The following CNTNAP2 variants were observed in gnomAD, a reference collection of about 807,000 sequenced individuals.
CNTNAP2 encodes contactin-associated protein-like 2.
In CNTNAP2, 98 loss-of-function variants were observed where a neutral mutation model predicts 155.2. The observed-to-expected ratio is 0.63, with a 90% CI of 0.54 to 0.75. CNTNAP2 has a LOEUF of 0.75. Among genes scored for constraint, CNTNAP2 ranks in the 30% least tolerant of loss-of-function variants. The probability of loss-of-function intolerance (pLI) is 0.00; values close to 1 mark genes in which losing one functional copy is unlikely to be tolerated. For synonymous variants in CNTNAP2, 651 were observed against 631.2 expected (o/e 1.03, Z -0.47); for missense variants, 1,727 against 1,688.1 (o/e 1.02, Z -0.40).
intron 8 of CNTNAP2, among the ~76,000 whole-genome samples, chr7:147,135,921 C>T (rs61506947): frequency 1.4e-3 from 210 of 151,502 alleles, no homozygotes; most frequent in Middle Eastern, 6.8e-3. Flanking sequence ...GAAGTATTAA[C>T]TCCATCACTC....
At chr7:146,492,728 A>C (rs1181734191) in intron 1 of CNTNAP2, among the ~76,000 whole-genome samples, 2 of 152,220 alleles carry the variant, frequency 1.3e-5, no homozygotes, top group East Asian at 3.8e-4. Context: ...TATTGAAGCT[A>C]TACAACATGA....
chr7:147,063,416 C>T (rs1037186105), intron 4 of CNTNAP2, among the ~76,000 whole-genome samples: 17 of 152,018 alleles, frequency 1.1e-4, no homozygotes, highest in Non-Finnish European at 8.8e-5. Context: ...ATTTTACAAC[C>T]GCAGGTATGG....
intron 13 of CNTNAP2, among the ~76,000 whole-genome samples, chr7:147,658,240 G>A (rs1011115716): frequency 2.1e-5 from 2 of 94,552 alleles, no homozygotes; most frequent in South Asian, 7.5e-4. Context: ...CTGGGAGACA[G>A]AGCGAGACTC....
At chr7:148,382,888 C>T (rs1406404176) in intron 21 of CNTNAP2, among the ~76,000 whole-genome samples, 1 of 152,198 alleles carries the variant, frequency 6.6e-6, no homozygotes, top group Admixed American at 6.5e-5. Context: ...AACAGAGGGC[C>T]ATTGATTTAA....
intron 1 of CNTNAP2, among the ~76,000 whole-genome samples, chr7:146,510,927 C>T (rs1357352222): frequency 5.3e-5 from 8 of 152,076 alleles, no homozygotes; most frequent in Admixed American, 3.9e-4. Flanking sequence ...GAGGGAGTCT[C>T]GCTCTGTCAC....
intron 13 of CNTNAP2, among the ~76,000 whole-genome samples, chr7:147,832,563 T>C (rs920885354): frequency 1.4e-5 from 2 of 146,220 alleles, no homozygotes; most frequent in Non-Finnish European, 3.0e-5. Context: ...TATTGAAATA[T>C]ATTATATTGA....
intron 4 of CNTNAP2, chr7:147,097,501 C>G (rs1800564347): frequency 1.3e-5 from 2 of 152,194 alleles, no homozygotes; most frequent in African/African-American, 4.8e-5. Context: ...ATGGCGGCAG[C>G]AAGAGAAAGA....
intron 3 of CNTNAP2, among the ~76,000 whole-genome samples, chr7:147,011,175 A>G (rs1798615662): frequency 6.6e-6 from 1 of 151,986 alleles, no homozygotes; most frequent in African/African-American, 2.4e-5. Flanking sequence ...GCCCTTTGGG[A>G]GGCTGAGGCA....
At chr7:146,860,672 ATTGTC>A (rs1395009213) in intron 3 of CNTNAP2, among the ~76,000 whole-genome samples, 1 of 152,170 alleles carries the variant, frequency 6.6e-6, no homozygotes, top group Non-Finnish European at 1.5e-5. Flanking sequence ...TTTAAAATGT[ATTGTC>A]TTAACCTAAA....
chr7:148,026,266 T>C (rs1224199589), intron 15 of CNTNAP2, among the ~76,000 whole-genome samples: 3 of 152,094 alleles, frequency 2.0e-5, no homozygotes, highest in African/African-American at 2.4e-5. Flanking sequence ...CTGAGTAATA[T>C]AGTGAGGCCT....
At chr7:146,786,393 C>T (rs897274737) in intron 2 of CNTNAP2, among the ~76,000 whole-genome samples, 1 of 152,128 alleles carries the variant, frequency 6.6e-6, no homozygotes, top group African/African-American at 2.4e-5. Flanking sequence ...AAATTAGTGA[C>T]TTTTTCACAT....
chr7:146,906,830 G>A (rs898021656), intron 3 of CNTNAP2, among the ~76,000 whole-genome samples: 2 of 150,628 alleles, frequency 1.3e-5, no homozygotes, highest in Admixed American at 6.6e-5. Flanking sequence ...GAGAGAAGAA[G>A]GCTTCAGACG....
At chr7:147,855,288 G>C (rs1374769053) in intron 13 of CNTNAP2, among the ~76,000 whole-genome samples, 1 of 152,098 alleles carries the variant, frequency 6.6e-6, no homozygotes, top group Non-Finnish European at 1.5e-5. Flanking sequence ...GTCTGGGCCA[G>C]TTTGTGTCTC....
At chr7:147,049,128 G>T (rs762480594) in intron 4 of CNTNAP2, among the ~76,000 whole-genome samples, 1 of 152,178 alleles carries the variant, frequency 6.6e-6, no homozygotes, top group East Asian at 1.9e-4. Flanking sequence ...CAGAGCCCTC[G>T]TGACCTACTC....
At chr7:146,150,492 T>C (rs1032454298) in intron 1 of CNTNAP2, among the ~76,000 whole-genome samples, 3 of 152,138 alleles carry the variant, frequency 2.0e-5, no homozygotes, top group Non-Finnish European at 4.4e-5. Context: ...ATATATTGCC[T>C]AACATTATTT....
At chr7:146,580,938 C>T (rs960765367) in intron 1 of CNTNAP2, among the ~76,000 whole-genome samples, 2 of 151,926 alleles carry the variant, frequency 1.3e-5, no homozygotes, top group African/African-American at 4.8e-5. Flanking sequence ...GAAAAATCAC[C>T]CCAAGAAATA....
At chr7:148,126,666 G>A (rs915402948) in intron 16 of CNTNAP2, among the ~76,000 whole-genome samples, 8 of 152,162 alleles carry the variant, frequency 5.3e-5, no homozygotes, top group Non-Finnish European at 1.0e-4. Context: ...CATCAATGGT[G>A]AAGACAAGAG....
rs115162628 is a variant in CNTNAP2 at position 146,436,142 on chromosome 7, A to G, written c.97+319169A>G. Among the ~76,000 whole-genome samples the G allele has an allele frequency of 6.1e-3, 927 of 152,254 alleles. 7 individuals are homozygous for G. Among genetic ancestry groups the G allele is most frequent in the African/African-American group, 0.02 (827 of 41,562 alleles). ...CTGTTAATTACCTATAACTAGCACCATGTATCTCTCCTAGCAATACTCTTA... is the reference window on the plus strand; with the variant it reads ...CTGTTAATTACCTATAACTAGCACCGTGTATCTCTCCTAGCAATACTCTTA... On this transcript the variant is annotated intron_variant, in intron 1 of 23. Coordinates refer to ENST00000361727, the MANE Select transcript of CNTNAP2 (RefSeq NM_014141.6).
At chr7:146,145,139 AG>A (rs1363140252) in intron 1 of CNTNAP2, among the ~76,000 whole-genome samples, 1 of 152,162 alleles carries the variant, frequency 6.6e-6, no homozygotes, top group African/African-American at 2.4e-5. Context: ...TCTTTTTCTG[AG>A]ATGCTTTAGG....
Sources: allele counts gnomAD v4.1 joint callset (sites outside exome capture counted in the v4.1 genomes callset), GRCh38; gene constraint gnomAD v4.1.1; transcripts MANE v1.5; gene names NCBI Gene and HGNC (gene_info 2026-07-23, HGNC 2026-07-21).